Variants in TAPT1 observed in about 807,000 individuals in gnomAD.
The protein encoded by TAPT1 is transmembrane anterior posterior transformation protein 1 homolog.
Under a neutral mutation model 65.6 loss-of-function variants are expected in TAPT1, and 28 were observed. The observed-to-expected ratio is 0.43, with a 90% CI of 0.32 to 0.59. TAPT1 has a LOEUF of 0.59. Ranked by LOEUF, TAPT1 falls within the 20% of genes least tolerant of loss-of-function variation. The pLI is 0.09. For missense variants in TAPT1, 563 were observed against 679.9 expected (o/e 0.83, Z 1.91); for synonymous variants, 278 against 245.2 (o/e 1.13, Z -1.25).
intron 3 of TAPT1, among the ~76,000 whole-genome samples, chr4:16,197,218 C>T (rs1244146502): frequency 2.6e-5 from 4 of 152,160 alleles, no homozygotes; most frequent in African/African-American, 9.7e-5. Flanking sequence ...GCCTGTGAAG[C>T]CTCATGTGAG....
chr4:16,195,379 C>T (rs1749644476), intron 3 of TAPT1, among the ~76,000 whole-genome samples: 1 of 152,154 alleles, frequency 6.6e-6, no homozygotes, highest in Non-Finnish European at 1.5e-5. Flanking sequence ...GGCAATTCAC[C>T]TTGCAAATGA....
intron 12 of TAPT1, among the ~76,000 whole-genome samples, chr4:16,168,367 C>A (rs1460490217): frequency 6.6e-6 from 1 of 152,158 alleles, no homozygotes; most frequent in African/African-American, 2.4e-5. Flanking sequence ...ACCCAGCCTG[C>A]CAAAGTCCTG....
At chr4:16,170,222 G>A (rs1747903433) in intron 12 of TAPT1, among the ~76,000 whole-genome samples, 1 of 152,162 alleles carries the variant, frequency 6.6e-6, no homozygotes, top group African/African-American at 2.4e-5. Flanking sequence ...GGATTCCACT[G>A]GTCACAGACA....
At chr4:16,219,505 C>A (rs1036824574) in intron 1 of TAPT1, among the ~76,000 whole-genome samples, 1 of 152,122 alleles carries the variant, frequency 6.6e-6, no homozygotes, top group African/African-American at 2.4e-5. Flanking sequence ...GTACAATTAG[C>A]GCGATGCTAA....
chr4:16,175,292 T>C (rs1452536434), intron 9 of TAPT1, among the ~76,000 whole-genome samples: 1 of 152,240 alleles, frequency 6.6e-6, no homozygotes, highest in Non-Finnish European at 1.5e-5. Flanking sequence ...TCATTCTGCA[T>C]TAAGAAAGCT....
Position 16,170,705 on chromosome 4 carries a change from T to C in TAPT1, c.1261A>G (p.Ile421Val), listed in dbSNP as rs752666747. 1.9e-6 allele frequency: 3 copies of C among 1,613,658 alleles called. No homozygotes were observed. Among genetic ancestry groups the C allele is most frequent in the Middle Eastern group, 1.6e-4 (1 of 6,084 alleles). ...VLLIRVVTSS[I>V]KVQGILSYAC... Reference sequence around the variant, plus strand: ...TAAGACAGGATTCCTTGCACTTTAATTGAGCTTGTTACAACTCTGATGAGC... The same window carrying C: ...TAAGACAGGATTCCTTGCACTTTAACTGAGCTTGTTACAACTCTGATGAGC... Residue 421 changes from isoleucine (I) to valine (V), a missense_variant, in exon 12 of 14, where the codon ATT (isoleucine) becomes GTT (valine). This residue lies in a region of TAPT1 where 104 missense variants were observed against 102.5 expected (regional missense o/e 1.01). Transcript: ENST00000405303.
intron 1 of TAPT1, among the ~76,000 whole-genome samples, chr4:16,215,512 T>C (rs918897895): frequency 2.0e-4 from 30 of 152,240 alleles, no homozygotes; most frequent in Non-Finnish European, 4.1e-4. Flanking sequence ...TACACACTTC[T>C]TTAAATACCA....
Position 16,191,354 on chromosome 4 carries a change from C to T in TAPT1, c.612+7G>A. 3 of 1,595,330 alleles carry T rather than the reference C, an allele frequency of 1.9e-6. No homozygotes were observed. The highest frequency in any genetic ancestry group is 2.6e-6 in the Non-Finnish European group (3 of 1,170,736). On this transcript the variant is annotated splice_region_variant and intron_variant, in intron 4 of 13. Transcript: ENST00000405303. ...CCAGGCCTGTGCGGGGTAAGCAAGGCCCTTACCTCCAGCATGTTGTAGATG... is the reference window on the plus strand; with the variant it reads ...CCAGGCCTGTGCGGGGTAAGCAAGGTCCTTACCTCCAGCATGTTGTAGATG...
chr4:16,196,549 A>T (rs1749715264), intron 3 of TAPT1: 1 of 437,458 alleles, frequency 2.3e-6, no homozygotes, highest in Non-Finnish European at 4.3e-6. Context: ...CATTTTCTTC[A>T]GTATGTTTCT....
chr4:16,174,628 T>C (rs371775944), intron 10 of TAPT1, 42 bp downstream of exon 10: 13 of 1,503,214 alleles, frequency 8.6e-6, no homozygotes, highest in African/African-American at 5.6e-5. Flanking sequence ...TTTCAGACTA[T>C]GCCTTTGTTA....
intron 2 of TAPT1, among the ~76,000 whole-genome samples, chr4:16,204,718 A>T (rs889956433): frequency 1.3e-5 from 2 of 152,058 alleles, no homozygotes; most frequent in African/African-American, 4.8e-5. Flanking sequence ...TACCACCCAC[A>T]CTCTGCAGTG....
chr4:16,209,570 A>G (rs1198780548), intron 2 of TAPT1, among the ~76,000 whole-genome samples: 1 of 152,220 alleles, frequency 6.6e-6, no homozygotes, highest in Non-Finnish European at 1.5e-5. Context: ...AGATGACAAA[A>G]TTAGTCCTTA....
intron 8 of TAPT1, among the ~76,000 whole-genome samples, chr4:16,177,224 T>C (rs771081428): frequency 6.6e-6 from 1 of 152,234 alleles, no homozygotes; most frequent in Non-Finnish European, 1.5e-5. Flanking sequence ...ATTATATGAA[T>C]ACATTAAATT....
intron 12 of TAPT1, among the ~76,000 whole-genome samples, chr4:16,169,250 T>TTAAA (rs1747835282): frequency 6.6e-6 from 1 of 152,148 alleles, no homozygotes; most frequent in African/African-American, 2.4e-5. Flanking sequence ...TAACTCAAGA[T>TTAAA]TAAAGCACAT....
intron 3 of TAPT1, 52 bp from the exon 4 acceptor site, chr4:16,191,575 A>C: frequency 1.3e-6 from 2 of 1,491,846 alleles, no homozygotes; most frequent in Non-Finnish European, 9.0e-7. Flanking sequence ...GTATGTTCTC[A>C]CAAAAACAAT....
intron 8 of TAPT1, 197 bp downstream of exon 8, chr4:16,179,380 T>G: frequency 2.2e-6 from 1 of 447,658 alleles, no homozygotes; most frequent in Non-Finnish European, 4.1e-6. Flanking sequence ...TAGAATCTTA[T>G]GGGACCACCA....
chr4:16,199,784 T>C (rs1749924964), intron 3 of TAPT1, among the ~76,000 whole-genome samples: 1 of 152,194 alleles, frequency 6.6e-6, no homozygotes, highest in East Asian at 1.9e-4. Context: ...AGAGACAGGG[T>C]CTCGCTATGT....
At position 16,170,641 on chromosome 4, in the gene TAPT1, G is replaced by A; in HGVS notation, c.1313+12C>T. The A allele has an allele frequency of 1.2e-6, 2 of 1,601,280 alleles. No individual in the cohort carries two copies. Among genetic ancestry groups the A allele is most frequent in the Non-Finnish European group, 8.6e-7 (1 of 1,168,860 alleles). On this transcript the variant is annotated intron_variant, in intron 12 of 13. Coordinates refer to ENST00000405303, the MANE Select transcript of TAPT1 (RefSeq NM_153365.3). ...ACTGTATAGCCAAAAACATATTCAA[G>A]AATAATCTTACCCAAAATAGAAGAG...
chr4:16,225,855 A>G (rs1336821585), intron 1 of TAPT1: 1 of 985,108 alleles, frequency 1.0e-6, no homozygotes, highest in Non-Finnish European at 1.2e-6. Flanking sequence ...TGCTTAAAAT[A>G]CAGAACAAAA....
Sources: allele counts gnomAD v4.1 joint callset (sites outside exome capture counted in the v4.1 genomes callset), GRCh38; gene constraint gnomAD v4.1.1; regional missense constraint gnomAD v4.1.1; transcripts MANE v1.5; gene names NCBI Gene and HGNC (gene_info 2026-07-23, HGNC 2026-07-21).